The following SHC4 variants were observed in gnomAD, a reference collection of about 807,000 sequenced individuals.
SHC4 encodes the protein SHC-transforming protein 4.
In SHC4, 41 loss-of-function variants were observed where a neutral mutation model predicts 69.4. The ratio of observed to expected loss-of-function variants is 0.59; its 90% CI spans 0.46 to 0.77. The LOEUF (loss-of-function observed/expected upper bound fraction) is 0.77. SHC4 is among the 30% of genes least tolerant of loss of function. SHC4 has a pLI of 0.00. For missense variants in SHC4, 777 were observed against 783.8 expected (o/e 0.99, Z 0.10); for synonymous variants, 318 against 299.3 (o/e 1.06, Z -0.64).
At chr15:48,870,149 A>G (rs1244922541) in intron 5 of SHC4, among the ~76,000 whole-genome samples, 2 of 152,206 alleles carry the variant, frequency 1.3e-5, no homozygotes, top group Non-Finnish European at 2.9e-5. Flanking sequence ...ACTACTTTAA[A>G]TCTCTTAAGA....
chr15:48,876,053 G>C (rs993073920), intron 4 of SHC4, among the ~76,000 whole-genome samples: 1 of 152,208 alleles, frequency 6.6e-6, no homozygotes, highest in Non-Finnish European at 1.5e-5. Flanking sequence ...AGTTAAGAGA[G>C]CTGCTTCAGA....
intron 6 of SHC4, among the ~76,000 whole-genome samples, chr15:48,860,873 T>C (rs1374610241): frequency 1.3e-5 from 2 of 152,258 alleles, no homozygotes; most frequent in African/African-American, 4.8e-5. Context: ...GAAGTCTTTT[T>C]GTTTTACAGA....
intron 2 of SHC4, among the ~76,000 whole-genome samples, chr15:48,911,967 T>G (rs1900516277): frequency 1.3e-5 from 2 of 152,222 alleles, no homozygotes. Flanking sequence ...AGAAATCTTC[T>G]GTTAATCTAA....
chr15:48,828,790 G>A (rs1374735869), intron 11 of SHC4, among the ~76,000 whole-genome samples: 12 of 152,102 alleles, frequency 7.9e-5, no homozygotes, highest in African/African-American at 1.9e-4. Context: ...TCATATACCC[G>A]TTGGTCATTT....
At chr15:48,935,901 A>T (rs991398306) in intron 1 of SHC4, among the ~76,000 whole-genome samples, 1 of 152,158 alleles carries the variant, frequency 6.6e-6, no homozygotes, top group African/African-American at 2.4e-5. Flanking sequence ...TAATAGCATT[A>T]TATAATAATA....
chr15:48,963,084 A>G lies in SHC4; in HGVS notation c.-69T>C, dbSNP rs971325939. 6.7e-6 allele frequency: 10 copies of G among 1,488,766 alleles called. No homozygotes were observed. Among genetic ancestry groups the G allele is most frequent in the Middle Eastern group, 1.8e-4 (1 of 5,626 alleles). 92.2% of individuals were successfully genotyped at this position (1,488,766 alleles called of 1,614,324 possible). A position where few individuals can be genotyped will look rare whatever the true frequency, so the allele number is the denominator to read the frequency against. On this transcript the variant is annotated 5_prime_UTR_variant, in exon 1 of 12. Transcript: ENST00000332408. ...TCGTCGTCTGGTAGATAAACGGTGC[A>G]GACATCAGATACCTCAACGCCCGAT... is the stretch of plus-strand genomic sequence containing the variant.
rs116568892 is a variant in SHC4 at position 48,889,544 on chromosome 15, C to A, written c.720+1204G>T. ...AAATGAAAAGGTTAGACCAGAAGAT[C>A]TCTTAAAAAACCCTTCTCCGCCGGG... is the stretch of plus-strand genomic sequence containing the variant. On this transcript the variant is annotated intron_variant, in intron 3 of 11. Coordinates refer to ENST00000332408, the MANE Select transcript of SHC4 (RefSeq NM_203349.4). 2.1e-3 allele frequency among the ~76,000 whole-genome samples: 316 copies of A among 152,164 alleles called. 1 individual carries two copies. The highest frequency in any genetic ancestry group is 7.2e-3 in the African/African-American group (298 of 41,540).
chr15:48,962,561 C>T lies in SHC4; in HGVS notation c.455G>A (p.Gly152Glu). Residue 152 changes from glycine (G) to glutamate (E), a missense_variant, in exon 1 of 12, where the codon GGA becomes GAA. Transcript: ENST00000332408. The stretch of plus-strand genomic sequence containing the variant: ...AGGGGTTAGGGCGGTTGCCCTGTGT[C>T]CCACCAGGTCCTGCTGCGGTGGAGG... ...TAPPPQQDLVGHRATALTPDS... is the reference protein window; with the variant it reads ...TAPPPQQDLVEHRATALTPDS... 2 of 1,610,332 alleles carry T rather than the reference C, an allele frequency of 1.2e-6. No individual in the cohort carries two copies. Among genetic ancestry groups the T allele is most frequent in the Non-Finnish European group, 1.7e-6 (2 of 1,177,818 alleles).
chr15:48,881,516 G>T (rs1174214095), intron 4 of SHC4, among the ~76,000 whole-genome samples: 1 of 152,096 alleles, frequency 6.6e-6, no homozygotes, highest in Non-Finnish European at 1.5e-5. Flanking sequence ...TTTTTCTTGT[G>T]CTTGCACAGC....
At chr15:48,949,082 G>A (rs1455515605) in intron 1 of SHC4, among the ~76,000 whole-genome samples, 1 of 151,690 alleles carries the variant, frequency 6.6e-6, no homozygotes, top group Admixed American at 6.6e-5. Context: ...CAAAACCTTA[G>A]GCAGGCTGGC....
At chr15:48,918,524 G>A (rs1479313412) in intron 2 of SHC4, among the ~76,000 whole-genome samples, 3 of 152,024 alleles carry the variant, frequency 2.0e-5, no homozygotes, top group Non-Finnish European at 2.9e-5. Context: ...GTTACCGATT[G>A]TCTTAGATGT....
chr15:48,874,749 G>A (rs776562471), intron 4 of SHC4, among the ~76,000 whole-genome samples: 5 of 152,136 alleles, frequency 3.3e-5, no homozygotes, highest in Non-Finnish European at 7.4e-5. Flanking sequence ...AAACCCTATC[G>A]GTAAGTAGCA....
chr15:48,863,641 G>A (rs551529262), intron 6 of SHC4, among the ~76,000 whole-genome samples: 2 of 152,206 alleles, frequency 1.3e-5, no homozygotes, highest in South Asian at 4.1e-4. Context: ...TAAAATGTTT[G>A]AATCTAAACT....
intron 2 of SHC4, among the ~76,000 whole-genome samples, chr15:48,901,607 A>G (rs557412403): frequency 1.3e-5 from 2 of 152,336 alleles, no homozygotes; most frequent in Admixed American, 6.5e-5. Context: ...CAAGCAATAC[A>G]GAAATAAACA....
At chr15:48,865,223 T>A (rs776263081) in intron 6 of SHC4, among the ~76,000 whole-genome samples, 1 of 152,202 alleles carries the variant, frequency 6.6e-6, no homozygotes, top group Admixed American at 6.5e-5. Flanking sequence ...TGTCATCACC[T>A]CTTTGCGGGC....
Position 48,897,784 on chromosome 15 carries a change from CAT to C in SHC4, c.657-6975_657-6974del, listed in dbSNP as rs1491016640. Among the ~76,000 whole-genome samples the C allele has an allele frequency of 7.4e-4, 112 of 151,932 alleles. 1 individual carries two copies. The highest frequency in any genetic ancestry group is 1.4e-3 in the Non-Finnish European group (93 of 67,914). ...ACACACACACACACACACACACACA[CAT>C]CTATAGTCACATATGCAGTGAAGGA... On this transcript the variant is annotated intron_variant, in intron 2 of 11. Transcript: ENST00000332408.
At chr15:48,848,416 C>T (rs1345572362) in intron 9 of SHC4, among the ~76,000 whole-genome samples, 1 of 152,208 alleles carries the variant, frequency 6.6e-6, no homozygotes, top group Non-Finnish European at 1.5e-5. Context: ...CATTACCTTA[C>T]AGCCACCATT....
chr15:48,875,958 G>A (rs1335731617), intron 4 of SHC4, among the ~76,000 whole-genome samples: 1 of 152,220 alleles, frequency 6.6e-6, no homozygotes, highest in Non-Finnish European at 1.5e-5. Context: ...GCTCTGTGAG[G>A]AGATGGATGC....
chr15:48,867,391 A>T lies in SHC4; in HGVS notation c.946+427T>A, dbSNP rs192966173. On this transcript the variant is annotated intron_variant, in intron 6 of 11. Coordinates refer to ENST00000332408, the MANE Select transcript of SHC4 (RefSeq NM_203349.4). The stretch of plus-strand genomic sequence containing the variant: ...ATGATGAAGTCAAGCATTCAAAGAG[A>T]TAATACAGGCTCTTGAACAGCAAGT... 1.6e-4 allele frequency among the ~76,000 whole-genome samples: 24 copies of T among 152,286 alleles called. No homozygotes were observed. The East Asian group carries it at 4.4e-3, about 28-fold the overall frequency.
Sources: gnomAD v4.1 joint callset for allele counts (sites outside exome capture counted in the v4.1 genomes callset) on GRCh38, gnomAD v4.1.1 for gene constraint, MANE v1.5 for transcripts, NCBI Gene and HGNC (gene_info 2026-07-23, HGNC 2026-07-21) for gene names.